STT3B: variants seen among roughly 807,000 people sequenced by gnomAD.
The protein encoded by STT3B is STT3 oligosaccharyltransferase complex catalytic subunit B.
In STT3B, 29 loss-of-function variants were observed where a neutral mutation model predicts 96.8. The ratio of observed to expected loss-of-function variants is 0.30; its 90% CI spans 0.22 to 0.41. STT3B has a LOEUF of 0.41. STT3B is among the 10% of genes least tolerant of loss of function. The pLI, the probability that STT3B is intolerant of heterozygous loss-of-function variation, is 1.00. For missense variants in STT3B, 640 were observed against 1,022.3 expected (o/e 0.63, Z 5.10); for synonymous variants, 367 against 360.0 (o/e 1.02, Z -0.22).
At chr3:31,635,868 C>A (rs1699745718) in intron 15 of STT3B, 116 bp from the exon 16 acceptor site, 1 of 666,596 alleles carries the variant, frequency 1.5e-6, no homozygotes, top group Non-Finnish European at 2.5e-6. Context: ...AATCCAGTCA[C>A]AAGAAGAGCA....
intron 2 of STT3B, among the ~76,000 whole-genome samples, chr3:31,579,536 G>GTTAA (rs1258030926): frequency 7.4e-6 from 1 of 135,382 alleles, no homozygotes; most frequent in Non-Finnish European, 1.6e-5. Flanking sequence ...GTTACCTACA[G>GTTAA]TTAACATTGT....
chr3:31,615,329 A>G, intron 6 of STT3B, 126 bp downstream of exon 6: 1 of 648,844 alleles, frequency 1.5e-6, no homozygotes, highest in Non-Finnish European at 2.6e-6. Context: ...TCTGACTCAC[A>G]ATTATGGGAA....
At chr3:31,589,428 CTTCTT>C (rs561544758) in intron 3 of STT3B, among the ~76,000 whole-genome samples, 1 of 152,016 alleles carries the variant, frequency 6.6e-6, no homozygotes, top group African/African-American at 2.4e-5. Context: ...AGTCTGTGTA[CTTCTT>C]TTCTTTTCTT....
chr3:31,570,752 C>T (rs1344009607), intron 1 of STT3B, among the ~76,000 whole-genome samples: 2 of 151,844 alleles, frequency 1.3e-5, no homozygotes, highest in Non-Finnish European at 2.9e-5. Flanking sequence ...CTGAATACAA[C>T]GAAAATGGAA....
intron 3 of STT3B, among the ~76,000 whole-genome samples, chr3:31,586,251 T>G (rs1698532507): frequency 6.6e-6 from 1 of 152,170 alleles, no homozygotes; most frequent in Non-Finnish European, 1.5e-5. Context: ...TGATGAAATG[T>G]CTGTTCATAT....
chr3:31,625,933 A>G, intron 12 of STT3B, 21 bp from the exon 13 acceptor site: 2 of 1,533,756 alleles, frequency 1.3e-6, no homozygotes, highest in Non-Finnish European at 1.8e-6. Context: ...AAACATTCTC[A>G]TTTTTTTTTA....
intron 5 of STT3B, among the ~76,000 whole-genome samples, chr3:31,611,238 A>C (rs1699172443): frequency 6.6e-6 from 1 of 152,116 alleles, no homozygotes; most frequent in Non-Finnish European, 1.5e-5. Flanking sequence ...AGTTTTATAG[A>C]GCCTTTCCCC....
chr3:31,554,126 C>A (rs1368382747), intron 1 of STT3B, among the ~76,000 whole-genome samples: 4 of 152,108 alleles, frequency 2.6e-5, no homozygotes, highest in African/African-American at 9.7e-5. Flanking sequence ...ATTTTGCCAA[C>A]CACAGTTTGA....
intron 1 of STT3B, among the ~76,000 whole-genome samples, chr3:31,573,305 T>A (rs770158643): frequency 1.3e-5 from 2 of 152,180 alleles, no homozygotes; most frequent in African/African-American, 2.4e-5. Flanking sequence ...ATGATCACAT[T>A]TACATTTTGA....
At chr3:31,534,432 A>G (rs541218367) in intron 1 of STT3B, among the ~76,000 whole-genome samples, 1 of 152,260 alleles carries the variant, frequency 6.6e-6, no homozygotes, top group East Asian at 1.9e-4. Context: ...CCCCTCTGAG[A>G]GTATGCCTTT....
chr3:31,533,536 A>C, intron 1 of STT3B: 1 of 437,068 alleles, frequency 2.3e-6, no homozygotes, highest in Non-Finnish European at 3.6e-6. Context: ...CAGGAGCGAA[A>C]CCTTGATTCT....
intron 1 of STT3B, among the ~76,000 whole-genome samples, chr3:31,555,163 G>A (rs1372648502): frequency 6.6e-6 from 1 of 152,110 alleles, no homozygotes; most frequent in Non-Finnish European, 1.5e-5. Context: ...TACCAATTTT[G>A]TGGGGAATAT....
chr3:31,546,250 G>A (rs1371879564), intron 1 of STT3B, among the ~76,000 whole-genome samples: 2 of 152,052 alleles, frequency 1.3e-5, no homozygotes, highest in Non-Finnish European at 2.9e-5. Flanking sequence ...GGTTGAGTGG[G>A]GAGTCCTTCA....
At chr3:31,563,231 G>A (rs1006805526) in intron 1 of STT3B, among the ~76,000 whole-genome samples, 3 of 152,160 alleles carry the variant, frequency 2.0e-5, no homozygotes, top group Admixed American at 2.0e-4. Flanking sequence ...GATACATCTA[G>A]TCAACTATCT....
chr3:31,623,881 A>G lies in STT3B; in HGVS notation c.1727+20A>G. 1 of 1,548,860 alleles carries G rather than the reference A, an allele frequency of 6.5e-7. No individual in the cohort carries two copies. Among genetic ancestry groups the G allele is most frequent in the Non-Finnish European group, 8.8e-7 (1 of 1,137,118 alleles). ...TGATGGGTAAGAAAATAACTCGGAT[A>G]CAAAAACATTTTATACTTACACTTC... On this transcript the variant is annotated intron_variant, in intron 11 of 15. Transcript: ENST00000295770.
chr3:31,592,257 C>T (rs143509414), intron 3 of STT3B, among the ~76,000 whole-genome samples: 58 of 152,252 alleles, frequency 3.8e-4, no homozygotes, highest in African/African-American at 1.3e-3. Flanking sequence ...ATAATGTCTT[C>T]AAGGTTTATC....
At chr3:31,616,474 C>T (rs559826415) in intron 6 of STT3B, among the ~76,000 whole-genome samples, 1 of 152,016 alleles carries the variant, frequency 6.6e-6, no homozygotes, top group East Asian at 1.9e-4. Context: ...TAATTAAGGT[C>T]ACATCTTATT....
chr3:31,621,432 T>C (rs564819291), intron 9 of STT3B, among the ~76,000 whole-genome samples: 1 of 152,194 alleles, frequency 6.6e-6, no homozygotes, highest in South Asian at 2.1e-4. Flanking sequence ...TGATGCGATG[T>C]ATTTTTTAGT....
intron 3 of STT3B, among the ~76,000 whole-genome samples, chr3:31,585,563 T>C (rs1227360576): frequency 1.3e-5 from 2 of 151,912 alleles, no homozygotes; most frequent in South Asian, 2.1e-4. Flanking sequence ...CAGGTTTTGT[T>C]TTGTTTTGTT....
Sources: allele counts gnomAD v4.1 joint callset (sites outside exome capture counted in the v4.1 genomes callset), GRCh38; gene constraint gnomAD v4.1.1; transcripts MANE v1.5; gene names NCBI Gene and HGNC (gene_info 2026-07-23, HGNC 2026-07-21).